The following WASL variants were observed in gnomAD, a reference collection of about 807,000 sequenced individuals.
WASL encodes actin nucleation-promoting factor WASL.
Under a neutral mutation model 55.5 loss-of-function variants are expected in WASL, and 20 were observed. The observed-to-expected ratio is 0.36, with a 90% CI of 0.25 to 0.52. The LOEUF is 0.52. Among genes scored for constraint, WASL ranks in the 20% least tolerant of loss-of-function variants. WASL has a pLI of 0.92. For synonymous variants in WASL, 249 were observed against 217.6 expected, an observed-to-expected ratio of 1.14 and a Z score of -1.27; for missense variants, 504 against 622.5, an observed-to-expected ratio of 0.81 and a Z score of 2.03.
intron 1 of WASL, among the ~76,000 whole-genome samples, chr7:123,711,706 G>A (rs968442907): frequency 6.6e-6 from 1 of 152,136 alleles, no homozygotes; most frequent in African/African-American, 2.4e-5. Flanking sequence ...AGTTTTTACA[G>A]ACATTCCTTC....
At chr7:123,710,618 G>A (rs913743608) in intron 1 of WASL, among the ~76,000 whole-genome samples, 3 of 152,106 alleles carry the variant, frequency 2.0e-5, no homozygotes, top group African/African-American at 4.8e-5. Context: ...AATGTTCAAT[G>A]TTATGTTTTT....
At chr7:123,684,646 G>A in intron 10 of WASL, 66 bp from the exon 11 acceptor site, 4 of 1,452,348 alleles carry the variant, frequency 2.8e-6, no homozygotes, top group Non-Finnish European at 3.7e-6. Context: ...ATTCTTGGGT[G>A]GTTTCTCCAA....
At position 123,694,842 on chromosome 7, in the gene WASL, C is replaced by A; in HGVS notation, c.699G>T (p.Lys233Asn). The A allele has an allele frequency of 6.2e-7, 1 of 1,608,992 alleles. No homozygotes were observed. The highest frequency in any genetic ancestry group is 2.2e-5 in the East Asian group (1 of 44,538). Residue 233 changes from lysine (K) to asparagine (N), a missense_variant, in exon 8 of 11, where the codon AAG (lysine) becomes AAT (asparagine). Physicochemically the swap from Lys to Asn is moderately conservative, Grantham distance 94. This residue lies in a region of WASL where 17 missense variants were observed against 58.4 expected (regional missense o/e 0.29). Coordinates refer to ENST00000223023, the MANE Select transcript of WASL (RefSeq NM_003941.4). The stretch of plus-strand genomic sequence containing the variant: ...AGATTCCACACATATCGAAAAGATT[C>A]TTCAATTCTGGATCCAAATTATTCA... The part of the protein sequence containing the change: ...FDLNNLDPEL[K>N]NLFDMCGISE...
chr7:123,733,675 G>A (rs927424596), intron 1 of WASL, among the ~76,000 whole-genome samples: 4 of 152,094 alleles, frequency 2.6e-5, no homozygotes, highest in Admixed American at 2.0e-4. Context: ...ATGCTGAAGA[G>A]TAAGAGTAAC....
intron 5 of WASL, among the ~76,000 whole-genome samples, chr7:123,698,359 A>C (rs1352878309): frequency 6.6e-6 from 1 of 152,042 alleles, no homozygotes; most frequent in Non-Finnish European, 1.5e-5. Context: ...CTGAAAAAAA[A>C]AAAAAGTTTA....
In WASL at chr7:123,709,175, T is replaced by C. The variant is rs1311675032; in HGVS notation, c.166A>G (p.Met56Val). 4 of 1,612,772 alleles carry C rather than the reference T, an allele frequency of 2.5e-6. No homozygotes were observed. The highest frequency in any genetic ancestry group is 1.7e-5 in the Admixed American group (1 of 59,890). The part of the protein sequence containing the change: ...VQLYAADRNC[M>V]WSKKCSGVAC... ...ACACCACTGCACTTCTTTGACCACA[T>C]ACAGTTCCGATCTGCTGCATATAAC... The change falls in exon 2 of 11, where the codon ATG becomes GTG. Residue 56 changes from methionine (M) to valine (V), a missense_variant. Around this residue, in one of 5 missense-constraint regions of WASL, gnomAD observed 230 missense variants for 271.9 expected, o/e 0.85. Transcript: ENST00000223023.
chr7:123,745,877 A>G (rs187653769), intron 1 of WASL, among the ~76,000 whole-genome samples: 10 of 152,260 alleles, frequency 6.6e-5, no homozygotes, highest in African/African-American at 2.4e-4. Context: ...TACCTGTTTA[A>G]ATATAAATAA....
chr7:123,720,217 T>C (rs1237181957), intron 1 of WASL: 11 of 402,684 alleles, frequency 2.7e-5, no homozygotes, highest in Non-Finnish European at 4.3e-5. Context: ...ATTATTTAAA[T>C]CATTAATTCA....
chr7:123,714,450 G>A (rs918329731), intron 1 of WASL, among the ~76,000 whole-genome samples: 6 of 152,140 alleles, frequency 3.9e-5, no homozygotes, highest in African/African-American at 1.4e-4. Context: ...CAAACCTGGA[G>A]GAATGAAGGA....
At position 123,696,704 on chromosome 7, in the gene WASL, T is replaced by C; in HGVS notation, c.504A>G (p.Glu168=). ...PMATVDIKNP[E]ITTNRFYGPQ... ...GACCATAAAATCTATTTGTTGTGATTTCTGGATTTTTTATATCAACTGTAG... is the reference window on the plus strand; with the variant it reads ...GACCATAAAATCTATTTGTTGTGATCTCTGGATTTTTTATATCAACTGTAG... The change falls in exon 6 of 11, where the codon GAA becomes GAG. Residue 168 remains glutamate, a synonymous_variant. Transcript: ENST00000223023. The C allele has an allele frequency of 6.2e-7, 1 of 1,600,278 alleles. No homozygotes were observed. Among genetic ancestry groups the C allele is most frequent in the South Asian group, 1.1e-5 (1 of 88,138 alleles).
intron 1 of WASL, among the ~76,000 whole-genome samples, chr7:123,738,048 T>A (rs1237558615): frequency 6.6e-6 from 1 of 152,026 alleles, no homozygotes; most frequent in Admixed American, 6.5e-5. Flanking sequence ...ACAGAAGAAA[T>A]ATAAATGGTC....
chr7:123,703,551 A>G (rs1373909208), intron 5 of WASL, among the ~76,000 whole-genome samples: 1 of 152,214 alleles, frequency 6.6e-6, no homozygotes, highest in East Asian at 1.9e-4. Context: ...AAACTATACA[A>G]TATTTGGTAC....
Position 123,696,705 on chromosome 7 carries a change from T to C in WASL, c.503A>G (p.Glu168Gly). The change falls in exon 6 of 11, where the codon GAA becomes GGA. Residue 168 changes from glutamate (E) to glycine (G), a missense_variant. Coordinates refer to ENST00000223023, the MANE Select transcript of WASL (RefSeq NM_003941.4). ...ACCATAAAATCTATTTGTTGTGATT[T>C]CTGGATTTTTTATATCAACTGTAGC... ...PMATVDIKNP[E>G]ITTNRFYGPQ... is the part of the protein sequence containing the mutation. 6.2e-7 allele frequency: 1 copy of C among 1,600,248 alleles called. No individual in the cohort carries two copies. The highest frequency in any genetic ancestry group is 1.1e-5 in the South Asian group (1 of 88,098).
chr7:123,715,656 C>T (rs1375690171), intron 1 of WASL, among the ~76,000 whole-genome samples: 2 of 152,016 alleles, frequency 1.3e-5, no homozygotes, highest in Non-Finnish European at 2.9e-5. Context: ...TGTTTGGAAC[C>T]ATTTAAAAAA....
intron 8 of WASL, among the ~76,000 whole-genome samples, chr7:123,693,093 A>C (rs1164480530): frequency 1.3e-5 from 2 of 152,182 alleles, no homozygotes; most frequent in African/African-American, 2.4e-5. Context: ...AAAAAATATG[A>C]GCTAAAACAG....
At chr7:123,693,642 C>T (rs973201693) in intron 8 of WASL, among the ~76,000 whole-genome samples, 4 of 152,126 alleles carry the variant, frequency 2.6e-5, no homozygotes, top group Non-Finnish European at 5.9e-5. Context: ...CATTCTTATT[C>T]CACATCAGTG....
intron 1 of WASL, among the ~76,000 whole-genome samples, chr7:123,718,481 A>G (rs1042698278): frequency 6.6e-6 from 1 of 152,140 alleles, no homozygotes; most frequent in Non-Finnish European, 1.5e-5. Flanking sequence ...ACACAAAAAC[A>G]CTAAGATAGG....
intron 1 of WASL, among the ~76,000 whole-genome samples, chr7:123,744,511 G>A (rs979640473): frequency 6.6e-6 from 1 of 152,030 alleles, no homozygotes; most frequent in Admixed American, 6.6e-5. Context: ...GTTAAAACAA[G>A]TGCTGAGGAG....
chr7:123,728,341 T>C (rs890670497), intron 1 of WASL, among the ~76,000 whole-genome samples: 2 of 152,220 alleles, frequency 1.3e-5, no homozygotes, highest in African/African-American at 4.8e-5. Flanking sequence ...AGCAAACTTA[T>C]TTCTTAGAAA....
Sources: gnomAD v4.1 joint callset for allele counts (sites outside exome capture counted in the v4.1 genomes callset) on GRCh38, gnomAD v4.1.1 for gene constraint, gnomAD v4.1.1 regional missense constraint, MANE v1.5 for transcripts, NCBI Gene and HGNC (gene_info 2026-07-23, HGNC 2026-07-21) for gene names.